Variants in TET3 observed in about 807,000 individuals in gnomAD.
TET3 encodes the protein tet methylcytosine dioxygenase 3.
Under a neutral mutation model 141.4 loss-of-function variants are expected in TET3, and 19 were observed. That is an observed-to-expected ratio of 0.13 (90% CI 0.09 to 0.20). The LOEUF is 0.20. TET3 is among the 10% of genes least tolerant of loss of function. The probability of loss-of-function intolerance (pLI) is 1.00; values close to 1 mark genes in which losing one functional copy is unlikely to be tolerated. For missense variants in TET3, 1,874 were observed against 2,356.9 expected (o/e 0.80, Z 4.24); for synonymous variants, 1,043 against 980.9 (o/e 1.06, Z -1.18).
At chr2:74,097,377 C>T (rs828868) in intron 10 of TET3, among the ~76,000 whole-genome samples, 70,031 of 151,948 alleles carry the variant, frequency 0.46, 19,623 homozygotes, top group Non-Finnish European at 0.6. Flanking sequence ...AATGACAAGT[C>T]GTATATAGTA....
At chr2:74,086,140 C>T (rs1318499081) in intron 6 of TET3, among the ~76,000 whole-genome samples, 1 of 152,248 alleles carries the variant, frequency 6.6e-6, no homozygotes, top group Non-Finnish European at 1.5e-5. Context: ...GGGCCTGACA[C>T]TCGGAGCCCT....
At chr2:73,991,411 C>CTTT (rs932874191) in intron 2 of TET3, among the ~76,000 whole-genome samples, 1 of 151,788 alleles carries the variant, frequency 6.6e-6, no homozygotes, top group Non-Finnish European at 1.5e-5. Flanking sequence ...TGGAGAAACC[C>CTTT]CATCTCTACT....
intron 3 of TET3, among the ~76,000 whole-genome samples, chr2:74,028,400 C>T (rs912301917): frequency 6.6e-6 from 1 of 151,834 alleles, no homozygotes; most frequent in East Asian, 1.9e-4. Flanking sequence ...TCTGCCTAAT[C>T]CAAGATAATA....
At chr2:74,124,589 C>A in the TET3 span, among the ~76,000 whole-genome samples, 8 of 152,332 alleles carry the variant, frequency 5.3e-5, no homozygotes, top group Non-Finnish European at 1.0e-4. Context: ...AAGAAAAATT[C>A]TTCTGCCTTG....
At chr2:74,049,021 G>A (rs542248411) in intron 4 of TET3, among the ~76,000 whole-genome samples, 167 of 152,314 alleles carry the variant, frequency 1.1e-3, no homozygotes, top group African/African-American at 3.8e-3. Context: ...TCTGGCTTAT[G>A]GTGGGGAGGG....
intron 8 of TET3, among the ~76,000 whole-genome samples, chr2:74,092,315 A>G (rs1690543843): frequency 6.6e-6 from 1 of 152,018 alleles, no homozygotes; most frequent in Admixed American, 6.6e-5. Flanking sequence ...AAAAAAAAAA[A>G]TTAGAATTCA....
At chr2:74,019,374 A>G (rs1191308495) in intron 3 of TET3, among the ~76,000 whole-genome samples, 2 of 152,092 alleles carry the variant, frequency 1.3e-5, no homozygotes, top group Non-Finnish European at 2.9e-5. Context: ...TGGGAATGGG[A>G]TCTTTTCTGT....
intron 3 of TET3, among the ~76,000 whole-genome samples, chr2:74,017,788 GT>G (rs765366898): frequency 1.3e-5 from 2 of 152,020 alleles, no homozygotes; most frequent in Non-Finnish European, 2.9e-5. Context: ...GGTAGTTCTA[GT>G]TTTAGTTTTT....
At chr2:74,117,350 T>A in the TET3 span, among the ~76,000 whole-genome samples, 4 of 152,108 alleles carry the variant, frequency 2.6e-5, no homozygotes, top group African/African-American at 7.2e-5. Context: ...GTGCTGGAAT[T>A]ACAGGCATGA....
At chr2:74,122,506 TATA>T in the TET3 span, 9 of 85,026 alleles carry the variant, frequency 1.1e-4, no homozygotes, top group African/African-American at 5.2e-4. Flanking sequence ...TATATATATA[TATA>T]TATTTTTTTT....
the TET3 span, among the ~76,000 whole-genome samples, chr2:74,129,875 C>T: frequency 1.3e-5 from 2 of 151,930 alleles, no homozygotes; most frequent in Non-Finnish European, 2.9e-5. Context: ...GGACGGATTA[C>T]CTGAGGTCAG....
chr2:74,024,671 T>C lies in TET3; in HGVS notation c.360+21505T>C, dbSNP rs1239277134. On this transcript the variant is annotated intron_variant, in intron 3 of 11. Transcript: ENST00000409262. ...AGCCATTTGTCAGTGACTGCTTGTT[T>C]CACCGTTTCCTGTTCCTCGTTGTAA... 2.6e-5 allele frequency among the ~76,000 whole-genome samples: 4 copies of C among 152,152 alleles called. No homozygotes were observed. In the East Asian group the frequency reaches 7.7e-4, roughly 29 times the overall value.
chr2:74,032,323 T>C (rs1343562170), intron 3 of TET3, among the ~76,000 whole-genome samples: 2 of 143,980 alleles, frequency 1.4e-5, no homozygotes, highest in African/African-American at 5.2e-5. Flanking sequence ...AGTAGATCTG[T>C]GCTGTTGGGT....
chr2:74,085,111 A>G (rs1291828995), intron 6 of TET3, among the ~76,000 whole-genome samples: 1 of 152,040 alleles, frequency 6.6e-6, no homozygotes, highest in African/African-American at 2.4e-5. Context: ...GTACTTTGAA[A>G]TGATTAAAAT....
Position 74,099,434 on chromosome 2 carries a change from C to A in TET3, c.3426C>A (p.Leu1142=). 6.2e-7 allele frequency: 1 copy of A among 1,613,970 alleles called. No individual in the cohort carries two copies. Among genetic ancestry groups the A allele is most frequent in the South Asian group, 1.1e-5 (1 of 91,072 alleles). Residue 1142 remains leucine, a synonymous_variant, in exon 11 of 12, where the codon CTC becomes CTA. Coordinates refer to ENST00000409262, the MANE Select transcript of TET3 (RefSeq NM_001287491.2). ...AKVGSGAIQV[L]TAFPREVRRL... ...TGGGCAGCGGAGCCATCCAGGTGCT[C>A]ACCGCCTTCCCCCGCGAGGTCCGAC...
At chr2:74,049,327 C>T (rs923373614) in intron 4 of TET3, among the ~76,000 whole-genome samples, 2 of 152,182 alleles carry the variant, frequency 1.3e-5, no homozygotes, top group East Asian at 1.9e-4. Context: ...ACCTAGTTAG[C>T]ATGCAAGTCA....
At chr2:74,001,632 T>TTGGGG (rs1684852698) in intron 2 of TET3, among the ~76,000 whole-genome samples, 1 of 152,004 alleles carries the variant, frequency 6.6e-6, no homozygotes, top group Non-Finnish European at 1.5e-5. Context: ...CAGGGAGGGA[T>TTGGGG]TGGGGTAGGG....
Position 74,047,400 on chromosome 2 carries a change from C to T in TET3, c.1483C>T (p.Pro495Ser), listed in dbSNP as rs375746886. 30 of 1,613,314 alleles carry T rather than the reference C, an allele frequency of 1.9e-5. No homozygotes were observed. The highest frequency in any genetic ancestry group is 2.3e-5 in the Non-Finnish European group (27 of 1,179,824). ...CAAGCCCAAGGTCAAGGTGGAGGCA[C>T]CCTCTTCCTCCCCGGCCCCGGCCCC... Reference protein sequence around the residue: ...PTKPKVKVEAPSSSPAPAPSP... With the variant: ...PTKPKVKVEASSSSPAPAPSP... The change falls in exon 4 of 12, where the codon CCC (proline) becomes TCC (serine). Residue 495 changes from proline (P) to serine (S), a missense_variant. Pro to Ser is a moderately conservative substitution (Grantham distance 74). This residue lies in a region of TET3 where 484 missense variants were observed against 462.2 expected (regional missense o/e 1.05). Transcript: ENST00000409262.
chr2:74,101,181 C>G lies in TET3; in HGVS notation c.4393C>G (p.Pro1465Ala). 6.2e-7 allele frequency: 1 copy of G among 1,613,756 alleles called. No homozygotes were observed. The highest frequency in any genetic ancestry group is 1.1e-5 in the South Asian group (1 of 91,036). The change falls in exon 12 of 12, where the codon CCT (proline) becomes GCT (alanine). Residue 1465 changes from proline to alanine, a missense_variant. Pro to Ala is a conservative substitution (Grantham distance 27). This residue lies in a region of TET3 where 602 missense variants were observed against 590.2 expected (regional missense o/e 1.02). Coordinates refer to ENST00000409262, the MANE Select transcript of TET3 (RefSeq NM_001287491.2). This position sits in a 1 kb window ranked among gnomAD's most constrained non-coding sequence, Gnocchi z 8.5. ...SWGVFSSGES[P>A]AIVPDKLSSF... ...GGGTGTGTTCTCGTCTGGGGAGAGT[C>G]CTGCCATCGTCCCTGACAAGCTCAG... is the stretch of plus-strand genomic sequence containing the variant.
Sources: allele counts gnomAD v4.1 joint callset (sites outside exome capture counted in the v4.1 genomes callset), GRCh38; gene constraint gnomAD v4.1.1; regional missense constraint gnomAD v4.1.1; non-coding constraint Gnocchi (gnomAD v3.1); transcripts MANE v1.5; gene names NCBI Gene and HGNC (gene_info 2026-07-23, HGNC 2026-07-21).